COPS5: variants seen among roughly 807,000 people sequenced by gnomAD.
COPS5 encodes the protein COP9 signalosome complex subunit 5.
COPS5 carries 8 observed loss-of-function variants against 44.4 expected under a neutral mutation model. The observed-to-expected ratio is 0.18, with a 90% CI of 0.11 to 0.32. The LOEUF (loss-of-function observed/expected upper bound fraction) is 0.32. Among genes scored for constraint, COPS5 ranks in the 10% least tolerant of loss-of-function variants. The pLI is 1.00. For missense variants in COPS5, 159 were observed against 406.4 expected (o/e 0.39, Z 5.23); for synonymous variants, 122 against 142.8 (o/e 0.85, Z 1.04).
chr8:67,056,928 G>T (rs1804522811), intron 4 of COPS5, among the ~76,000 whole-genome samples: 1 of 151,604 alleles, frequency 6.6e-6, no homozygotes, highest in Non-Finnish European at 1.5e-5. Context: ...TCAGATTGCG[G>T]CCTCCTGCCA....
chr8:67,051,089 G>T, intron 6 of COPS5, 141 bp downstream of exon 6: 2 of 626,382 alleles, frequency 3.2e-6, no homozygotes, highest in South Asian at 1.9e-5. Flanking sequence ...TAATCCAGCT[G>T]TGGTGGTGCA....
chr8:67,056,460 G>T, intron 5 of COPS5, 59 bp downstream of exon 5: 1 of 595,822 alleles, frequency 1.7e-6, no homozygotes, highest in Non-Finnish European at 3.0e-6. Flanking sequence ...TTCCCAAAGT[G>T]CTGGGATTAT....
chr8:67,056,653 ATATATATATATATATATATATAT>A (rs763913990), intron 4 of COPS5, 49 bp from the exon 5 acceptor site: 2,826 of 20,746 alleles, frequency 0.14, 561 homozygotes, highest in African/African-American at 0.15. Flanking sequence ...AAAAAAAAAA[ATATATATATATATATATATATAT>A]ATATATATAT....
chr8:67,056,929 C>T (rs1804522851), intron 4 of COPS5, among the ~76,000 whole-genome samples: 1 of 151,770 alleles, frequency 6.6e-6, no homozygotes, highest in South Asian at 2.1e-4. Context: ...CAGATTGCGG[C>T]CTCCTGCCAG....
intron 2 of COPS5, 96 bp from the exon 3 acceptor site, chr8:67,058,307 T>G: frequency 2.5e-6 from 3 of 1,195,598 alleles, no homozygotes; most frequent in Non-Finnish European, 3.6e-6. Flanking sequence ...TCCCATCTCC[T>G]TCTCCTCAAT....
chr8:67,053,237 C>A (rs1008795593), intron 5 of COPS5, among the ~76,000 whole-genome samples: 5 of 151,702 alleles, frequency 3.3e-5, no homozygotes, highest in Admixed American at 6.6e-5. Context: ...TTACAGGCGC[C>A]CACCACCATG....
At chr8:67,054,236 CAG>C (rs1279443029) in intron 5 of COPS5, among the ~76,000 whole-genome samples, 2 of 151,874 alleles carry the variant, frequency 1.3e-5, no homozygotes, top group Non-Finnish European at 2.9e-5. Context: ...AATAGACAAA[CAG>C]GGAAAGTAGA....
chr8:67,050,311 T>C (rs201279190), intron 6 of COPS5, among the ~76,000 whole-genome samples: 10 of 152,336 alleles, frequency 6.6e-5, no homozygotes, highest in African/African-American at 2.4e-4. Flanking sequence ...TCTTTTTTTT[T>C]CTCCTAGTAT....
chr8:67,051,092 G>A, intron 6 of COPS5, 138 bp downstream of exon 6: 1 of 630,816 alleles, frequency 1.6e-6, no homozygotes, highest in South Asian at 1.9e-5. Flanking sequence ...TCCAGCTGTG[G>A]TGGTGCAGAA....
At position 67,043,117 on chromosome 8, in the gene COPS5, T is replaced by C; in HGVS notation, c.*116A>G. The C allele has an allele frequency of 1.7e-6, 1 of 585,796 alleles. No individual in the cohort carries two copies. Among genetic ancestry groups the C allele is most frequent in the Non-Finnish European group, 3.0e-6 (1 of 328,878 alleles). 36.3% of individuals were successfully genotyped at this position (585,796 alleles called of 1,614,324 possible). A position where few individuals can be genotyped will look rare whatever the true frequency, so the allele number is the denominator to read the frequency against. The stretch of plus-strand genomic sequence containing the variant: ...AGCTTTATTACAGGATATTAATATT[T>C]AGGACACTTCAGAGCACCTTATACT... On this transcript the variant is annotated 3_prime_UTR_variant, in exon 8 of 8. Transcript: ENST00000357849.
chr8:67,048,295 T>G (rs572746540), intron 6 of COPS5, among the ~76,000 whole-genome samples: 19 of 140,408 alleles, frequency 1.4e-4, no homozygotes, highest in Non-Finnish European at 2.5e-4. Context: ...ATAAAATAAA[T>G]AAAGTAAAAT....
chr8:67,060,346 G>A lies in COPS5; in HGVS notation c.144-901C>T, dbSNP rs1804566516. The A allele has an allele frequency of 2.5e-6, 3 of 1,198,318 alleles. No individual in the cohort carries two copies. In the South Asian group the frequency reaches 4.6e-5, roughly 18 times the overall value. The allele number at this position is 1,198,318 out of a possible 1,614,324, so 74.2% of individuals were successfully genotyped here. ...CTAAAATGCACAGCCTGTTACAGAA[G>A]CAAGCAGATAACCAAGCAACTTAAG... On this transcript the variant is annotated intron_variant, in intron 1 of 7. Transcript: ENST00000357849.
At chr8:67,053,056 T>C (rs1804442508) in intron 5 of COPS5, among the ~76,000 whole-genome samples, 1 of 151,856 alleles carries the variant, frequency 6.6e-6, no homozygotes. Flanking sequence ...AGGTTAGTGG[T>C]GCGAAAGATA....
rs370616149 is a variant in COPS5, at chr8:67,062,020, C to A, written c.-24G>T. ...ATCGCCGAGGAAGCGGAGAAGTTGT[C>A]GTCTCTACAACCAAGACGCAACTTT... On this transcript the variant is annotated 5_prime_UTR_variant, in exon 1 of 8. Transcript: ENST00000357849. 1 of 1,614,102 alleles carries A rather than the reference C, an allele frequency of 6.2e-7. No homozygotes were observed. The highest frequency in any genetic ancestry group is 2.2e-5 in the East Asian group (1 of 44,872).
intron 6 of COPS5, among the ~76,000 whole-genome samples, chr8:67,046,824 C>CAAAAAAAAAA (rs771868140): frequency 6.9e-5 from 3 of 43,726 alleles, no homozygotes; most frequent in African/African-American, 9.7e-5. Context: ...ACTCTGTCTC[C>CAAAAAAAAAA]AAAAAAAAAA....
chr8:67,047,848 A>G, intron 6 of COPS5: 1 of 702,552 alleles, frequency 1.4e-6, no homozygotes, highest in Non-Finnish European at 2.6e-6. Context: ...GCTGCTATTA[A>G]TATACTTGCC....
At chr8:67,059,774 G>C in intron 1 of COPS5, 2 of 289,544 alleles carry the variant, frequency 6.9e-6, no homozygotes, top group South Asian at 7.6e-5. Flanking sequence ...TGACTGCTTG[G>C]ATGGTTGTGC....
chr8:67,056,824 T>C (rs1804521067), intron 4 of COPS5, among the ~76,000 whole-genome samples: 2 of 151,134 alleles, frequency 1.3e-5, no homozygotes, highest in Non-Finnish European at 2.9e-5. Flanking sequence ...GTTTCTACTT[T>C]CCCCCCACCC....
chr8:67,058,309 C>T, intron 2 of COPS5, 98 bp from the exon 3 acceptor site: 1 of 1,201,244 alleles, frequency 8.3e-7, no homozygotes, highest in Non-Finnish European at 1.2e-6. Context: ...CCATCTCCTT[C>T]TCCTCAATTA....
Sources: allele counts gnomAD v4.1 joint callset (sites outside exome capture counted in the v4.1 genomes callset), GRCh38; gene constraint gnomAD v4.1.1; transcripts MANE v1.5; gene names NCBI Gene and HGNC (gene_info 2026-07-23, HGNC 2026-07-21).